CCDC7: variants seen among roughly 807,000 people sequenced by gnomAD.
CCDC7 encodes the protein coiled-coil domain-containing protein 7.
Under a neutral mutation model 196.9 loss-of-function variants are expected in CCDC7, and 183 were observed. The observed-to-expected ratio is 0.93, with a 90% CI of 0.82 to 1.05. The LOEUF (loss-of-function observed/expected upper bound fraction) is 1.05, where lower values mean the gene tolerates loss of function less well. Ranked by LOEUF, CCDC7 falls within the 50% of genes least tolerant of loss-of-function variation. The probability of loss-of-function intolerance (pLI) is 0.00; values close to 1 mark genes in which losing one functional copy is unlikely to be tolerated. For missense variants in CCDC7, 1,540 were observed against 1,482.2 expected (o/e 1.04, Z -0.64); for synonymous variants, 525 against 484.6 (o/e 1.08, Z -1.10).
At chr10:32,798,227 C>T (rs2084027305) in intron 29 of CCDC7, among the ~76,000 whole-genome samples, 1 of 152,224 alleles carries the variant, frequency 6.6e-6, no homozygotes, top group South Asian at 2.1e-4. Context: ...CACCAAGTAG[C>T]TGGCTGATCA....
At chr10:32,573,837 T>C (rs2057876051) in intron 16 of CCDC7, among the ~76,000 whole-genome samples, 1 of 152,222 alleles carries the variant, frequency 6.6e-6, no homozygotes, top group South Asian at 2.1e-4. Context: ...GCATCTATGC[T>C]GTGCAAGGCA....
intron 8 of CCDC7, among the ~76,000 whole-genome samples, chr10:32,489,035 G>T (rs1564433121): frequency 6.6e-6 from 1 of 152,206 alleles, no homozygotes; most frequent in Admixed American, 6.5e-5. Flanking sequence ...AAGCCTGACA[G>T]AATTCTTCTA....
intron 18 of CCDC7, among the ~76,000 whole-genome samples, chr10:32,621,073 G>A (rs1402306917): frequency 6.6e-6 from 1 of 152,094 alleles, no homozygotes; most frequent in East Asian, 1.9e-4. Context: ...AGCTGGTTTA[G>A]TCTGATTGTT....
rs531912071 is a variant in CCDC7, at chr10:32,706,582, TAAA to T, written c.2459-5037_2459-5035del. Among the ~76,000 whole-genome samples, 154 of 151,818 alleles carry T rather than the reference TAAA, an allele frequency of 1.0e-3. 2 individuals are homozygous for T. The highest frequency in any genetic ancestry group is 3.6e-3 in the African/African-American group (148 of 41,424). ...ATAGATAGATGGCTAGCAAGACTAA[TAAA>T]GAAGAAAAGAGAGAAGAATCAAATA... is the stretch of plus-strand genomic sequence containing the variant. On this transcript the variant is annotated intron_variant, in intron 24 of 41. Transcript: ENST00000639629.
At chr10:32,579,110 G>T (rs1326533138) in intron 16 of CCDC7, among the ~76,000 whole-genome samples, 1 of 152,170 alleles carries the variant, frequency 6.6e-6, no homozygotes, top group African/African-American at 2.4e-5. Flanking sequence ...AGCTACATAT[G>T]TGTGTCAGTA....
chr10:32,583,417 A>G, intron 17 of CCDC7, 110 bp downstream of exon 18: 2 of 754,712 alleles, frequency 2.7e-6, no homozygotes, highest in South Asian at 1.4e-4. Flanking sequence ...TTATTTCAAG[A>G]GAATTAAAAG....
chr10:32,877,574 C>T (rs1171459150), downstream of CCDC7, among the ~76,000 whole-genome samples: 2 of 152,098 alleles, frequency 1.3e-5, no homozygotes, highest in African/African-American at 4.8e-5. Context: ...CAGTTTGCCC[C>T]TATGAACTAC....
At chr10:32,642,099 G>A (rs1176805595) in intron 20 of CCDC7, among the ~76,000 whole-genome samples, 1 of 152,168 alleles carries the variant, frequency 6.6e-6, no homozygotes, top group Non-Finnish European at 1.5e-5. Context: ...CTCGGGTCAG[G>A]GACCCACTTG....
intron 18 of CCDC7, among the ~76,000 whole-genome samples, chr10:32,601,155 C>T (rs2060957664): frequency 6.6e-6 from 1 of 152,176 alleles, no homozygotes; most frequent in Non-Finnish European, 1.5e-5. Context: ...TCACTGCAAC[C>T]TCTGCCCCTG....
intron 18 of CCDC7, among the ~76,000 whole-genome samples, chr10:32,610,672 G>A (rs1395839694): frequency 1.3e-5 from 2 of 152,144 alleles, no homozygotes; most frequent in African/African-American, 4.8e-5. Context: ...AACATGTGGT[G>A]TTTGGTTTTC....
At chr10:32,827,925 T>C (rs1277690691) in intron 32 of CCDC7, among the ~76,000 whole-genome samples, 3 of 152,306 alleles carry the variant, frequency 2.0e-5, no homozygotes, top group Middle Eastern at 6.8e-3. Context: ...TTCCCAGATA[T>C]AGGATAGATT....
intron 13 of CCDC7, among the ~76,000 whole-genome samples, chr10:32,555,694 G>GT (rs1423245727): frequency 6.6e-6 from 1 of 152,136 alleles, no homozygotes; most frequent in East Asian, 1.9e-4. Context: ...TTCAATTTTT[G>GT]TAAGTGTTCT....
intron 18 of CCDC7, among the ~76,000 whole-genome samples, chr10:32,593,661 C>T (rs2060008424): frequency 6.6e-6 from 1 of 152,162 alleles, no homozygotes; most frequent in African/African-American, 2.4e-5. Context: ...AGGTTTTCTT[C>T]AAGGGTTTTT....
At chr10:32,478,918 G>A (rs1378900608) in intron 8 of CCDC7, among the ~76,000 whole-genome samples, 1 of 152,118 alleles carries the variant, frequency 6.6e-6, no homozygotes, top group African/African-American at 2.4e-5. Flanking sequence ...TTTGCCAAGT[G>A]AAACCATCTG....
At chr10:32,475,342 T>C (rs2038774480) in intron 8 of CCDC7, among the ~76,000 whole-genome samples, 2 of 152,216 alleles carry the variant, frequency 1.3e-5, no homozygotes, top group African/African-American at 4.8e-5. Flanking sequence ...GCATTCACTG[T>C]TTTCCAATTT....
intron 18 of CCDC7, among the ~76,000 whole-genome samples, chr10:32,610,132 T>C (rs1453400625): frequency 6.6e-6 from 1 of 151,944 alleles, no homozygotes; most frequent in African/African-American, 2.4e-5. Flanking sequence ...TGAGACGGAG[T>C]CTTGCTCTGT....
At chr10:32,782,389 C>T (rs894220455) in intron 29 of CCDC7, among the ~76,000 whole-genome samples, 15 of 152,180 alleles carry the variant, frequency 9.9e-5, no homozygotes, top group African/African-American at 2.6e-4. Context: ...CACCATGCTC[C>T]GCTAATTTTT....
chr10:32,690,632 T>G (rs1009104681), intron 23 of CCDC7, among the ~76,000 whole-genome samples: 1 of 152,226 alleles, frequency 6.6e-6, no homozygotes, highest in African/African-American at 2.4e-5. Flanking sequence ...TATAGAGAAC[T>G]TTTGCTTCAT....
intron 30 of CCDC7, among the ~76,000 whole-genome samples, chr10:32,813,255 T>G (rs183984051): frequency 1.3e-5 from 2 of 152,284 alleles, no homozygotes; most frequent in Non-Finnish European, 2.9e-5. Flanking sequence ...TATCCCCTTT[T>G]CAATATGAAT....
Sources: gnomAD v4.1 joint callset for allele counts (sites outside exome capture counted in the v4.1 genomes callset) on GRCh38, gnomAD v4.1.1 for gene constraint, MANE v1.5 for transcripts, NCBI Gene and HGNC (gene_info 2026-07-23, HGNC 2026-07-21) for gene names.